The following EPM2A variants were observed in gnomAD, a reference collection of about 807,000 sequenced individuals.
EPM2A encodes EPM2A glucan phosphatase, laforin, also known as laforin.
EPM2A carries 21 observed loss-of-function variants against 26.5 expected under a neutral mutation model. That is an observed-to-expected ratio of 0.79 (90% CI 0.56 to 1.14). EPM2A has a LOEUF of 1.14. EPM2A is among the 50% of genes most tolerant of loss of function. The pLI is 0.00. For missense variants in EPM2A, 458 were observed against 440.8 expected, an observed-to-expected ratio of 1.04 and a Z score of -0.35; for synonymous variants, 217 against 177.6, an observed-to-expected ratio of 1.22 and a Z score of -1.76.
chr6:145,696,830 GT>G (rs1781616845), intron 1 of EPM2A, among the ~76,000 whole-genome samples: 1 of 145,898 alleles, frequency 6.9e-6, no homozygotes, highest in Non-Finnish European at 1.5e-5. Flanking sequence ...TGTGTGTGGT[GT>G]GTTTCAAGGT....
chr6:145,648,785 A>G (rs1201413893), intron 2 of EPM2A, among the ~76,000 whole-genome samples: 2 of 152,204 alleles, frequency 1.3e-5, no homozygotes, highest in Non-Finnish European at 2.9e-5. Context: ...AGTTGCAGAG[A>G]AAGATGTGTC....
chr6:145,709,364 G>C (rs1396111607), intron 1 of EPM2A, among the ~76,000 whole-genome samples: 1 of 152,198 alleles, frequency 6.6e-6, no homozygotes, highest in East Asian at 1.9e-4. Flanking sequence ...GAGGGACCCA[G>C]TGGGAGGTAA....
Position 145,405,981 on chromosome 6 carries a change from T to TACACACACACAC in EPM2A, c.556-21896_556-21885dup, listed in dbSNP as rs56700058. On this transcript the variant is annotated intron_variant, in intron 4 of 4. Coordinates refer to the EPM2A transcript ENST00000638717. Reference sequence around the variant, plus strand: ...AGAACTATTTAATCATGGAGATACCTACACACACACACACACACACACACA... The same window carrying TACACACACACAC: ...AGAACTATTTAATCATGGAGATACCTACACACACACACACACACACACACACACACACACACA... Among the ~76,000 whole-genome samples, 759 of 146,588 alleles carry TACACACACACAC rather than the reference T, an allele frequency of 5.2e-3. 10 individuals are homozygous for TACACACACACAC. Among genetic ancestry groups the TACACACACACAC allele is most frequent in the African/African-American group, 0.018 (712 of 39,628 alleles).
chr6:145,397,220 T>C (rs896769375), intron 4 of EPM2A, among the ~76,000 whole-genome samples: 4 of 152,094 alleles, frequency 2.6e-5, no homozygotes, highest in South Asian at 2.1e-4. Flanking sequence ...AGCTTGAGGA[T>C]AGGCGTTCAC....
chr6:145,424,204 C>T (rs1042244065), intron 4 of EPM2A, among the ~76,000 whole-genome samples: 8 of 152,142 alleles, frequency 5.3e-5, no homozygotes, highest in Admixed American at 6.5e-5. Context: ...AACAACCCTG[C>T]AGGACAATAA....
At chr6:145,534,337 C>T (rs1582831540) in intron 2 of EPM2A, among the ~76,000 whole-genome samples, 1 of 152,172 alleles carries the variant, frequency 6.6e-6, no homozygotes, top group East Asian at 1.9e-4. Context: ...TATTTTGAAA[C>T]TTTCTCCTAG....
At chr6:145,395,577 C>T (rs1484735329) in intron 4 of EPM2A, among the ~76,000 whole-genome samples, 1 of 152,142 alleles carries the variant, frequency 6.6e-6, no homozygotes, top group Non-Finnish European at 1.5e-5. Context: ...GCCCTTCTCA[C>T]CCTGCACCAC....
intron 4 of EPM2A, among the ~76,000 whole-genome samples, chr6:145,439,086 A>C (rs1021063503): frequency 1.3e-5 from 2 of 152,122 alleles, no homozygotes; most frequent in Admixed American, 6.5e-5. Flanking sequence ...TTCCTGCATT[A>C]GTTTGCTAAG....
chr6:145,714,599 A>C (rs1775515065), intron 1 of EPM2A, among the ~76,000 whole-genome samples: 1 of 152,220 alleles, frequency 6.6e-6, no homozygotes, highest in South Asian at 2.1e-4. Context: ...ATACCTGAGA[A>C]AGGCAATTTA....
chr6:145,451,134 C>T (rs1244545474), intron 4 of EPM2A, among the ~76,000 whole-genome samples: 2 of 152,146 alleles, frequency 1.3e-5, no homozygotes, highest in African/African-American at 2.4e-5. Flanking sequence ...TTTTAGAAAA[C>T]ATTTATGTGC....
intron 4 of EPM2A, among the ~76,000 whole-genome samples, chr6:145,465,444 T>C (rs1779376738): frequency 6.6e-6 from 1 of 152,134 alleles, no homozygotes; most frequent in South Asian, 2.1e-4. Context: ...TGTAATTTGA[T>C]TGTCTGAAGC....
chr6:145,680,476 G>A (rs1159795713), intron 2 of EPM2A, among the ~76,000 whole-genome samples: 1 of 151,544 alleles, frequency 6.6e-6, no homozygotes, highest in Non-Finnish European at 1.5e-5. Context: ...GTGCCATGCT[G>A]GTGTGCTGCA....
At chr6:145,499,637 G>GAATT, downstream of EPM2A, among the ~76,000 whole-genome samples, 1 of 152,334 alleles carries the variant, frequency 6.6e-6, no homozygotes, top group East Asian at 1.9e-4. Context: ...ATTCATGCAT[G>GAATT]AGTGAGTGAA....
chr6:145,597,467 A>ATTTTTTTTTTTTTTTTTTTTTTTTTTT (rs1177054458), intron 2 of EPM2A, among the ~76,000 whole-genome samples: 1 of 140,060 alleles, frequency 7.1e-6, no homozygotes. Context: ...TGACCTGTTT[A>ATTTTTTTTTTTTTTTTTTTTTTTTTTT]TTTTTTTTTC....
intron 4 of EPM2A, among the ~76,000 whole-genome samples, chr6:145,446,276 ATAATATG>A (rs1428217793): frequency 6.6e-6 from 1 of 152,232 alleles, no homozygotes; most frequent in African/African-American, 2.4e-5. Flanking sequence ...AAGTTCTGGT[ATAATATG>A]CTATGTAGCA....
intron 1 of EPM2A, among the ~76,000 whole-genome samples, chr6:145,696,001 C>T (rs955253372): frequency 6.6e-6 from 1 of 152,036 alleles, no homozygotes; most frequent in African/African-American, 2.4e-5. Context: ...CACAGAACAT[C>T]CTCCAGAACA....
chr6:145,603,453 A>G (rs1003160583), intron 2 of EPM2A, among the ~76,000 whole-genome samples: 2 of 152,100 alleles, frequency 1.3e-5, no homozygotes, highest in Non-Finnish European at 2.9e-5. Context: ...TTTATTGCAC[A>G]TTTTTATGTG....
At chr6:145,532,587 C>T (rs1780373573) in intron 2 of EPM2A, among the ~76,000 whole-genome samples, 1 of 152,134 alleles carries the variant, frequency 6.6e-6, no homozygotes, top group African/African-American at 2.4e-5. Flanking sequence ...CTAGCAGGGC[C>T]AGTGAGTCAG....
chr6:145,500,424 G>A (rs1197160861), downstream of EPM2A, among the ~76,000 whole-genome samples: 1 of 152,174 alleles, frequency 6.6e-6, no homozygotes, highest in African/African-American at 2.4e-5. Flanking sequence ...GCAGTTAGTG[G>A]CTAATTATTT....
Sources: gnomAD v4.1 joint callset for allele counts (sites outside exome capture counted in the v4.1 genomes callset) on GRCh38, gnomAD v4.1.1 for gene constraint, MANE v1.5 for transcripts, NCBI Gene and HGNC (gene_info 2026-07-23, HGNC 2026-07-21) for gene names.